Variants in FNIP2 observed in about 807,000 individuals in gnomAD.
The protein encoded by FNIP2 is folliculin-interacting protein 2.
FNIP2 carries 32 observed loss-of-function variants against 108.7 expected under a neutral mutation model. The observed-to-expected ratio is 0.29, with a 90% confidence interval of 0.22 to 0.40. The LOEUF (loss-of-function observed/expected upper bound fraction) is 0.40, where lower values mean the gene tolerates loss of function less well. Among genes scored for constraint, FNIP2 ranks in the 10% least tolerant of loss-of-function variants. FNIP2 has a pLI of 1.00. For synonymous variants in FNIP2, 480 were observed against 496.7 expected (o/e 0.97, Z 0.45); for missense variants, 1,202 against 1,381.6 (o/e 0.87, Z 2.06).
At chr4:158,793,396 A>G (rs2126457780) in intron 1 of FNIP2, among the ~76,000 whole-genome samples, 1 of 152,336 alleles carries the variant, frequency 6.6e-6, no homozygotes, top group Non-Finnish European at 1.5e-5. Context: ...TACAGGACCC[A>G]CAGCATTTTA....
chr4:158,871,317 A>G, intron 14 of FNIP2: 2 of 917,918 alleles, frequency 2.2e-6, no homozygotes, highest in Non-Finnish European at 2.6e-6. Flanking sequence ...TGTATTAGAA[A>G]CATTTTGTAT....
intron 14 of FNIP2, among the ~76,000 whole-genome samples, chr4:158,874,025 G>C (rs901414625): frequency 6.6e-6 from 1 of 152,270 alleles, no homozygotes; most frequent in Non-Finnish European, 1.5e-5. Context: ...GGTTATTGTG[G>C]GGCAGTGTAA....
chr4:158,899,836 C>G lies in FNIP2; in HGVS notation c.3266+3971C>G, dbSNP rs192992677. On this transcript the variant is annotated intron_variant, in intron 16 of 16. Coordinates refer to ENST00000264433, the MANE Select transcript of FNIP2 (RefSeq NM_020840.3). ...TGATTTTTTGAAGGGTTTTTTGTGTCTCTATCTCGTTCAGTTCTGCTCTGA... is the reference window on the plus strand; with the variant it reads ...TGATTTTTTGAAGGGTTTTTTGTGTGTCTATCTCGTTCAGTTCTGCTCTGA... Among the ~76,000 whole-genome samples, 148 of 152,222 alleles carry G rather than the reference C, an allele frequency of 9.7e-4. 1 individual carries two copies. The highest frequency in any genetic ancestry group is 3.5e-3 in the African/African-American group (145 of 41,546).
chr4:158,829,341 T>C lies in FNIP2; in HGVS notation c.381+116T>C, dbSNP rs1324371025. On this transcript the variant is annotated intron_variant, in intron 3 of 16. Coordinates refer to ENST00000264433, the MANE Select transcript of FNIP2 (RefSeq NM_020840.3). The stretch of plus-strand genomic sequence containing the variant: ...TACTCCAGGAATATGAGGACAAGTA[T>C]TCAACAGAGTACTCTTAAATGTTTC... 11 of 856,194 alleles carry C rather than the reference T, an allele frequency of 1.3e-5. No individual in the cohort carries two copies. The South Asian group carries it at 1.8e-4, about 14-fold the overall frequency. The allele number at this position is 856,194 out of a possible 1,614,324, so 53.0% of individuals were successfully genotyped here.
At chr4:158,900,375 A>T (rs1186385507) in intron 16 of FNIP2, among the ~76,000 whole-genome samples, 1 of 152,220 alleles carries the variant, frequency 6.6e-6, no homozygotes, top group Non-Finnish European at 1.5e-5. Context: ...TCCAGAGCTG[A>T]GTTCAAGTCC....
chr4:158,834,147 G>GC (rs754308205), intron 6 of FNIP2: 62 of 183,036 alleles, frequency 3.4e-4, no homozygotes, highest in Non-Finnish European at 6.8e-4. Flanking sequence ...CAAGAGGATT[G>GC]TTTTTTTCTG....
At chr4:158,777,248 T>C (rs1198173567) in intron 1 of FNIP2, among the ~76,000 whole-genome samples, 2 of 152,222 alleles carry the variant, frequency 1.3e-5, no homozygotes, top group Non-Finnish European at 2.9e-5. Flanking sequence ...TTGGTAAAAC[T>C]GAAATACATT....
chr4:158,834,241 C>T (rs1361261783), intron 6 of FNIP2: 4 of 142,300 alleles, frequency 2.8e-5, no homozygotes, highest in Non-Finnish European at 5.9e-5. Context: ...GCATCCTTAC[C>T]TGCACGGAGT....
intron 1 of FNIP2, among the ~76,000 whole-genome samples, chr4:158,773,208 G>A (rs1554036973): frequency 1.3e-5 from 2 of 152,150 alleles, no homozygotes; most frequent in Non-Finnish European, 2.9e-5. Context: ...CTTTCTAAAA[G>A]AAAGTCTTTC....
chr4:158,783,102 T>C (rs774526475), intron 1 of FNIP2, among the ~76,000 whole-genome samples: 7 of 152,244 alleles, frequency 4.6e-5, no homozygotes, highest in Non-Finnish European at 7.3e-5. Context: ...AATATTGTGT[T>C]TAACACAGCA....
At chr4:158,787,551 C>T (rs568652149) in intron 1 of FNIP2, among the ~76,000 whole-genome samples, 5 of 152,280 alleles carry the variant, frequency 3.3e-5, no homozygotes, top group East Asian at 1.9e-4. Flanking sequence ...AGATGGGGGA[C>T]GCAGACCTTT....
chr4:158,879,938 AAAC>A (rs1401172015), intron 14 of FNIP2, among the ~76,000 whole-genome samples: 1 of 150,272 alleles, frequency 6.7e-6, no homozygotes, highest in Non-Finnish European at 1.5e-5. Flanking sequence ...AAAAGTCAGG[AAAC>A]AACAGGTGCT....
intron 14 of FNIP2, among the ~76,000 whole-genome samples, chr4:158,873,183 C>G (rs866180433): frequency 6.6e-6 from 1 of 151,090 alleles, no homozygotes; most frequent in East Asian, 1.9e-4. Flanking sequence ...ATTTTTTGAA[C>G]ATTAATTTCA....
At chr4:158,897,935 T>C (rs988534576) in intron 16 of FNIP2, among the ~76,000 whole-genome samples, 3 of 152,252 alleles carry the variant, frequency 2.0e-5, no homozygotes, top group Admixed American at 1.3e-4. Flanking sequence ...TGAATGGTAT[T>C]GCCTAGGTTT....
intron 1 of FNIP2, among the ~76,000 whole-genome samples, chr4:158,781,808 G>GTAATCCA (rs1248619445): frequency 1.3e-5 from 2 of 152,112 alleles, no homozygotes; most frequent in African/African-American, 4.8e-5. Flanking sequence ...GGGAGCCACT[G>GTAATCCA]GGCCCAGCCT....
At position 158,863,376 on chromosome 4, in the gene FNIP2, A is replaced by G. The variant is rs367736897; in HGVS notation, c.1465+1600A>G. ...ACACAATGATGGAGATAAAATTTCA[A>G]TCCAGGTTCCTAAGTATAGAGAAGA... On this transcript the variant is annotated intron_variant, in intron 12 of 16. Transcript: ENST00000264433. Among the ~76,000 whole-genome samples the G allele has an allele frequency of 4.3e-4, 66 of 152,378 alleles. 1 individual carries two copies. In the East Asian group the frequency reaches 9.8e-3, roughly 23 times the overall value.
At chr4:158,791,219 G>A (rs901545599) in intron 1 of FNIP2, among the ~76,000 whole-genome samples, 1 of 146,082 alleles carries the variant, frequency 6.8e-6, no homozygotes, top group African/African-American at 2.5e-5. Flanking sequence ...TATTTTTAGT[G>A]CCTACAGACA....
intron 12 of FNIP2, 124 bp from the exon 13 acceptor site, chr4:158,867,977 TG>T: frequency 7.6e-7 from 1 of 1,309,618 alleles, no homozygotes; most frequent in Non-Finnish European, 1.1e-6. Context: ...GTAGAAATCA[TG>T]AGTCTGAAGC....
intron 10 of FNIP2, among the ~76,000 whole-genome samples, chr4:158,860,456 T>C (rs1435595711): frequency 6.6e-6 from 1 of 152,156 alleles, no homozygotes. Context: ...AGTACTCAAG[T>C]AACATGTTAC....
Sources: gnomAD v4.1 joint callset for allele counts (sites outside exome capture counted in the v4.1 genomes callset) on GRCh38, gnomAD v4.1.1 for gene constraint, MANE v1.5 for transcripts, NCBI Gene and HGNC (gene_info 2026-07-23, HGNC 2026-07-21) for gene names.